Variants in GRID2 observed in about 807,000 individuals in gnomAD.
The protein encoded by GRID2 is glutamate ionotropic receptor delta type subunit 2.
In GRID2, 33 loss-of-function variants were observed where a neutral mutation model predicts 114.8. The observed-to-expected ratio is 0.29, with a 90% CI of 0.22 to 0.38. The LOEUF is 0.38. Among genes scored for constraint, GRID2 ranks in the 10% least tolerant of loss-of-function variants. GRID2 has a pLI of 1.00. For synonymous variants in GRID2, 505 were observed against 449.9 expected, an observed-to-expected ratio of 1.12 and a Z score of -1.55; for missense variants, 1,184 against 1,257.7, an observed-to-expected ratio of 0.94 and a Z score of 0.89.
chr4:93,480,990 G>A (rs776873047), intron 11 of GRID2, among the ~76,000 whole-genome samples: 4 of 151,906 alleles, frequency 2.6e-5, no homozygotes, highest in Non-Finnish European at 5.9e-5. Context: ...CCAATCTAAT[G>A]AATTACTACC....
intron 11 of GRID2, among the ~76,000 whole-genome samples, chr4:93,486,353 C>T (rs1171916863): frequency 2.0e-5 from 3 of 150,676 alleles, no homozygotes; most frequent in Non-Finnish European, 4.4e-5. Context: ...GATTTTTTTT[C>T]TTGGACTACA....
At chr4:93,251,190 T>A (rs984432830) in intron 8 of GRID2, among the ~76,000 whole-genome samples, 1 of 152,154 alleles carries the variant, frequency 6.6e-6, no homozygotes, top group Non-Finnish European at 1.5e-5. Flanking sequence ...TGTATTTAAA[T>A]GTTTCATATT....
At chr4:92,880,014 T>C (rs2149456201) in intron 2 of GRID2, among the ~76,000 whole-genome samples, 1 of 152,342 alleles carries the variant, frequency 6.6e-6, no homozygotes, top group Non-Finnish European at 1.5e-5. Flanking sequence ...CAGTTTTGTA[T>C]GTATAAAAAT....
intron 2 of GRID2, among the ~76,000 whole-genome samples, chr4:92,839,981 G>A (rs1336976618): frequency 2.6e-5 from 4 of 151,860 alleles, no homozygotes; most frequent in Non-Finnish European, 5.9e-5. Flanking sequence ...TAATATTTCT[G>A]TTATATATCT....
intron 13 of GRID2, among the ~76,000 whole-genome samples, chr4:93,528,587 T>A (rs2149510510): frequency 6.6e-6 from 1 of 152,234 alleles, no homozygotes; most frequent in African/African-American, 2.4e-5. Context: ...CACATTATGC[T>A]CCAATAAAAA....
At chr4:92,779,202 GTGTGTGTA>G (rs111643824) in intron 2 of GRID2, among the ~76,000 whole-genome samples, 196 of 151,542 alleles carry the variant, frequency 1.3e-3, no homozygotes, top group African/African-American at 2.0e-3. Flanking sequence ...GTGTGTGTGT[GTGTGTGTA>G]TGTGTGTGTG....
At chr4:92,313,666 T>C (rs568596260) in intron 1 of GRID2, among the ~76,000 whole-genome samples, 4 of 152,000 alleles carry the variant, frequency 2.6e-5, no homozygotes, top group Non-Finnish European at 5.9e-5. Context: ...CAGGAGTACA[T>C]GGTATTCTGG....
rs548955754 is a variant in GRID2 at position 92,593,890 on chromosome 4, T to C, written c.244+3604T>C. Among the ~76,000 whole-genome samples the C allele has an allele frequency of 1.3e-3, 200 of 149,898 alleles. 2 individuals are homozygous for C. Among genetic ancestry groups the C allele is most frequent in the African/African-American group, 4.8e-3 (197 of 40,862 alleles). ...CATTTGGATAGGCTATTTTGGTATCTAGGATGTAGTGTTCTCCGTAAAAAG... is the reference window on the plus strand; with the variant it reads ...CATTTGGATAGGCTATTTTGGTATCCAGGATGTAGTGTTCTCCGTAAAAAG... On this transcript the variant is annotated intron_variant, in intron 2 of 15. Coordinates refer to ENST00000282020, the MANE Select transcript of GRID2 (RefSeq NM_001510.4).
intron 4 of GRID2, among the ~76,000 whole-genome samples, chr4:93,205,137 A>G (rs916030287): frequency 1.3e-5 from 2 of 151,820 alleles, no homozygotes; most frequent in Admixed American, 6.6e-5. Context: ...TAAATTTTTC[A>G]TTATTTGTCT....
At chr4:93,386,505 C>T (rs915627964) in intron 8 of GRID2, among the ~76,000 whole-genome samples, 8 of 152,088 alleles carry the variant, frequency 5.3e-5, no homozygotes, top group Non-Finnish European at 1.2e-4. Flanking sequence ...TGGGAGTATT[C>T]AGTAAGACAA....
At chr4:92,771,282 T>A (rs1578170277) in intron 2 of GRID2, among the ~76,000 whole-genome samples, 1 of 152,178 alleles carries the variant, frequency 6.6e-6, no homozygotes, top group African/African-American at 2.4e-5. Context: ...GACACAATTA[T>A]TATACTCTCC....
chr4:92,625,880 G>A (rs887855026), intron 2 of GRID2, among the ~76,000 whole-genome samples: 29 of 151,698 alleles, frequency 1.9e-4, no homozygotes, highest in African/African-American at 3.4e-4. Flanking sequence ...TACCTAAAAC[G>A]ATTAGCCATG....
chr4:92,844,574 A>G (rs940547054), intron 2 of GRID2, among the ~76,000 whole-genome samples: 12 of 151,646 alleles, frequency 7.9e-5, no homozygotes, highest in Non-Finnish European at 1.6e-4. Context: ...TTAAATACCT[A>G]TATGTGAATG....
At chr4:92,707,552 T>A (rs1735011187) in intron 2 of GRID2, among the ~76,000 whole-genome samples, 1 of 152,162 alleles carries the variant, frequency 6.6e-6, no homozygotes, top group Admixed American at 6.5e-5. Flanking sequence ...CAGAAAAATA[T>A]CTAAAGAATG....
intron 13 of GRID2, among the ~76,000 whole-genome samples, chr4:93,519,414 G>A (rs1322838408): frequency 1.3e-5 from 2 of 152,106 alleles, no homozygotes; most frequent in Non-Finnish European, 2.9e-5. Flanking sequence ...GTAGTTACTG[G>A]CATTAGCACC....
chr4:92,736,991 C>A (rs1182559147), intron 2 of GRID2, among the ~76,000 whole-genome samples: 1 of 151,954 alleles, frequency 6.6e-6, no homozygotes, highest in African/African-American at 2.4e-5. Flanking sequence ...AGACATAGAA[C>A]AATATGTTTG....
chr4:92,669,124 A>G (rs553095159), intron 2 of GRID2, among the ~76,000 whole-genome samples: 4 of 151,984 alleles, frequency 2.6e-5, no homozygotes, highest in Admixed American at 2.0e-4. Context: ...CATTGAAAAA[A>G]TGTTTTGAAT....
chr4:93,753,425 T>G (rs928820532), intron 14 of GRID2, among the ~76,000 whole-genome samples: 2 of 152,162 alleles, frequency 1.3e-5, no homozygotes, highest in African/African-American at 4.8e-5. Flanking sequence ...ACATGTGCCA[T>G]GTTGGTGTGC....
intron 2 of GRID2, among the ~76,000 whole-genome samples, chr4:92,881,626 A>C (rs1298778397): frequency 1.3e-5 from 2 of 152,206 alleles, no homozygotes; most frequent in South Asian, 2.1e-4. Flanking sequence ...GAGAAATGGA[A>C]GGTTGCAGTG....
Sources: gnomAD v4.1 joint callset for allele counts (sites outside exome capture counted in the v4.1 genomes callset) on GRCh38, gnomAD v4.1.1 for gene constraint, MANE v1.5 for transcripts, NCBI Gene and HGNC (gene_info 2026-07-23, HGNC 2026-07-21) for gene names.